Variants in RBFOX2 observed in about 807,000 individuals in gnomAD.
The protein encoded by RBFOX2 is RNA binding fox-1 homolog 2.
RBFOX2 carries 10 observed loss-of-function variants against 49.1 expected under a neutral mutation model. The observed-to-expected ratio is 0.20, with a 90% CI of 0.13 to 0.35. RBFOX2 has a LOEUF of 0.35. Among genes scored for constraint, RBFOX2 ranks in the 10% least tolerant of loss-of-function variants. The pLI, the probability that RBFOX2 is intolerant of heterozygous loss-of-function variation, is 1.00. For missense variants in RBFOX2, 323 were observed against 486.9 expected (o/e 0.66, Z 3.17); for synonymous variants, 183 against 187.4 (o/e 0.98, Z 0.19).
chr22:35,787,989 G>A (rs1222258107), intron 2 of RBFOX2, among the ~76,000 whole-genome samples: 1 of 152,162 alleles, frequency 6.6e-6, no homozygotes, highest in African/African-American at 2.4e-5. Context: ...CCCTGGTGCA[G>A]CTGAGCTAGC....
intron 1 of RBFOX2, among the ~76,000 whole-genome samples, chr22:35,971,676 G>C (rs1000160117): frequency 6.6e-6 from 1 of 152,000 alleles, no homozygotes; most frequent in Non-Finnish European, 1.5e-5. Context: ...CAGGCAAAGG[G>C]AGCAGTTCAC....
chr22:35,814,731 A>G (rs1422388971), intron 1 of RBFOX2, among the ~76,000 whole-genome samples: 7 of 150,236 alleles, frequency 4.7e-5, no homozygotes, highest in East Asian at 3.9e-4. Context: ...AAAAAAAAAA[A>G]AAAAAGAAAA....
At chr22:35,981,233 T>A (rs954647840) in intron 1 of RBFOX2, among the ~76,000 whole-genome samples, 3 of 152,206 alleles carry the variant, frequency 2.0e-5, no homozygotes, top group African/African-American at 7.2e-5. Flanking sequence ...AAGCCCATCC[T>A]CTTTCTGTTC....
intron 1 of RBFOX2, among the ~76,000 whole-genome samples, chr22:35,985,114 G>C (rs551712343): frequency 6.6e-6 from 1 of 152,244 alleles, no homozygotes; most frequent in East Asian, 1.9e-4. Flanking sequence ...GGTCCCTCAA[G>C]ACCAAATCAA....
chr22:36,027,973 T>C (rs2059511747), intron 1 of RBFOX2, among the ~76,000 whole-genome samples: 1 of 152,068 alleles, frequency 6.6e-6, no homozygotes, highest in Non-Finnish European at 1.5e-5. Flanking sequence ...ATCTCAACCT[T>C]GTTCGATTTC....
chr22:36,016,046 T>C (rs1398930674), intron 1 of RBFOX2, among the ~76,000 whole-genome samples: 1 of 151,968 alleles, frequency 6.6e-6, no homozygotes, highest in Non-Finnish European at 1.5e-5. Context: ...TCCAGGAAAA[T>C]GGAACCAACG....
intron 1 of RBFOX2, among the ~76,000 whole-genome samples, chr22:35,862,545 T>C (rs879329414): frequency 7.9e-5 from 12 of 152,246 alleles, no homozygotes; most frequent in Admixed American, 7.2e-4. Flanking sequence ...CCTCCTCACT[T>C]TGCCAGACAT....
chr22:35,774,054 T>C (rs1386680835), intron 4 of RBFOX2, among the ~76,000 whole-genome samples: 2 of 152,128 alleles, frequency 1.3e-5, no homozygotes, highest in Non-Finnish European at 2.9e-5. Flanking sequence ...TAATAAACTA[T>C]GTATTTTTTT....
intron 1 of RBFOX2, among the ~76,000 whole-genome samples, chr22:35,895,092 CTT>C: frequency 1.3e-5 from 2 of 151,862 alleles, no homozygotes; most frequent in East Asian, 3.9e-4. Context: ...CTCTCTCTCT[CTT>C]TCTCTCTCTC....
chr22:35,840,331 T>C (rs1358504516), exon 1 of RBFOX2: 7 of 1,596,032 alleles, frequency 4.4e-6, no homozygotes, highest in South Asian at 3.3e-5. Flanking sequence ...GGGTGGGTAA[T>C]TGATCTCTCT....
intron 1 of RBFOX2, among the ~76,000 whole-genome samples, chr22:35,876,650 C>T (rs867303942): frequency 4.6e-5 from 7 of 150,868 alleles, no homozygotes; most frequent in South Asian, 2.1e-4. Flanking sequence ...TCTAAAAATG[C>T]ATTTTTATTT....
chr22:35,838,267 T>TTC (rs1474626794), intron 1 of RBFOX2, among the ~76,000 whole-genome samples: 2 of 151,392 alleles, frequency 1.3e-5, no homozygotes, highest in African/African-American at 4.9e-5. Flanking sequence ...TTCTTTTCTT[T>TTC]TTTTTTTTTT....
intron 9 of RBFOX2, among the ~76,000 whole-genome samples, chr22:35,754,740 A>C (rs1936338994): frequency 6.6e-6 from 1 of 152,190 alleles, no homozygotes; most frequent in African/African-American, 2.4e-5. Context: ...TATTTTGAGG[A>C]AAGAGGTGGA....
At chr22:36,013,933 G>C (rs986451442) in intron 1 of RBFOX2, among the ~76,000 whole-genome samples, 1 of 151,980 alleles carries the variant, frequency 6.6e-6, no homozygotes, top group African/African-American at 2.4e-5. Context: ...TTAACTTACC[G>C]GTAGGGAATC....
At chr22:35,791,128 T>TA (rs1203956811) in intron 2 of RBFOX2, among the ~76,000 whole-genome samples, 1 of 152,140 alleles carries the variant, frequency 6.6e-6, no homozygotes, top group African/African-American at 2.4e-5. Flanking sequence ...CTCATGCCTG[T>TA]AATCCTAGCA....
chr22:35,911,991 T>C lies in RBFOX2; in HGVS notation c.-34+26856A>G, dbSNP rs374023622. On this transcript the variant is annotated intron_variant, in intron 1 of 13. Transcript: ENST00000359369. ...ACATACTTCTTTTTTGTTAATTCCA[T>C]GTTTGTAGGTCTTGTATCCTGAATG... is the stretch of plus-strand genomic sequence containing the variant. 8.5e-5 allele frequency among the ~76,000 whole-genome samples: 13 copies of C among 152,302 alleles called. No homozygotes were observed. The East Asian group carries it at 2.5e-3, about 29-fold the overall frequency.
At chr22:35,808,675 C>T (rs1412285671) in intron 2 of RBFOX2, among the ~76,000 whole-genome samples, 4 of 151,926 alleles carry the variant, frequency 2.6e-5, no homozygotes, top group African/African-American at 9.7e-5. Context: ...AAAGGAGACC[C>T]TGTCTCTACA....
intron 1 of RBFOX2, among the ~76,000 whole-genome samples, chr22:35,924,581 T>G (rs1028295209): frequency 1.3e-5 from 2 of 152,230 alleles, no homozygotes; most frequent in Non-Finnish European, 2.9e-5. Context: ...CATATCGCTC[T>G]GGCAAGGCAA....
intron 1 of RBFOX2, among the ~76,000 whole-genome samples, chr22:36,009,275 C>T (rs1018394408): frequency 3.3e-5 from 5 of 152,178 alleles, no homozygotes; most frequent in African/African-American, 1.2e-4. Flanking sequence ...TTATTATCTC[C>T]ATTTTACAAA....
Sources: allele counts gnomAD v4.1 joint callset (sites outside exome capture counted in the v4.1 genomes callset), GRCh38; gene constraint gnomAD v4.1.1; transcripts MANE v1.5; gene names NCBI Gene and HGNC (gene_info 2026-07-23, HGNC 2026-07-21).